Variants in UBR4 observed in about 807,000 individuals in gnomAD.
UBR4 encodes E3 ubiquitin-protein ligase UBR4.
A neutral mutation model predicts 575.6 loss-of-function variants in UBR4; 124 were observed. That is an observed-to-expected ratio of 0.22 (90% CI 0.19 to 0.25). The LOEUF (loss-of-function observed/expected upper bound fraction) is 0.25. UBR4 is among the 10% of genes least tolerant of loss of function. The pLI, the probability that UBR4 is intolerant of heterozygous loss-of-function variation, is 1.00. For synonymous variants in UBR4, 2,455 were observed against 2,473.7 expected, an observed-to-expected ratio of 0.99 and a Z score of 0.22; for missense variants, 4,818 against 6,478.8, an observed-to-expected ratio of 0.74 and a Z score of 8.80.
chr1:19,143,255 GAAGGAAGAAAGAAAGAAAGAAAGAAAGA>G (rs1175054886), intron 55 of UBR4, among the ~76,000 whole-genome samples: 2,728 of 102,140 alleles, frequency 0.027, 104 homozygotes, highest in East Asian at 0.19. Flanking sequence ...AGGAAGGAAG[GAAGGAAGAAAGAAAGAAAGAAAGAAAGA>G]AAGAAAGAAA....
intron 43 of UBR4, 147 bp from the exon 44 acceptor site, chr1:19,155,222 T>C: frequency 8.1e-7 from 1 of 1,227,158 alleles, no homozygotes; most frequent in Non-Finnish European, 1.1e-6. Flanking sequence ...ACAAAGACCC[T>C]GAGAAAAATG....
chr1:19,164,254 A>G lies in UBR4; in HGVS notation c.4699T>C (p.Cys1567Arg). The G allele has an allele frequency of 6.2e-7, 1 of 1,610,792 alleles. No individual in the cohort carries two copies. The highest frequency in any genetic ancestry group is 8.5e-7 in the Non-Finnish European group (1 of 1,177,560). ...ACAGATACAACTTCATCATCTTACC[A>G]TCTGCTCAGCCAATCCACAGCAGCA... ...HNAAVDWLSR[C>R]KKYLSQKNVV... is the part of the protein sequence containing the mutation. The change falls in exon 33 of 106, where the codon TGC becomes CGC. Residue 1567 changes from cysteine (C) to arginine (R), a missense_variant and splice_region_variant. Around this residue, in one of 29 missense-constraint regions of UBR4, gnomAD observed 1,172 missense variants for 1,259.7 expected, o/e 0.93. Transcript: ENST00000375254.
At chr1:19,131,243 TAAAAAAAAA>T (rs869155620) in intron 60 of UBR4, among the ~76,000 whole-genome samples, 4 of 102,978 alleles carry the variant, frequency 3.9e-5, no homozygotes, top group South Asian at 3.5e-4. Context: ...TCTTGAAACT[TAAAAAAAAA>T]AAAAAAAAAA....
rs1457589669 is a variant in UBR4, at chr1:19,105,131, G to C, written c.12562C>G (p.Gln4188Glu). Reference protein sequence around the residue: ...ECAAEYLALYQKLITSAHWKV... With the variant: ...ECAAEYLALYEKLITSAHWKV... The stretch of plus-strand genomic sequence containing the variant: ...CAGTGCGCAGAAGTGATGAGCTTCT[G>C]GTAGAGAGCCAGGTACTCAGCTGCA... Residue 4188 changes from glutamine (Q) to glutamate (E), a missense_variant, in exon 85 of 106, where the codon CAG becomes GAG. Gln to Glu is a conservative substitution (Grantham distance 29). Transcript: ENST00000375254. 3 of 1,613,964 alleles carry C rather than the reference G, an allele frequency of 1.9e-6. No homozygotes were observed. Among genetic ancestry groups the C allele is most frequent in the African/African-American group, 2.7e-5 (2 of 74,880 alleles).
At chr1:19,187,127 A>T (rs764679643) in intron 13 of UBR4, 37 bp downstream of exon 13, 2 of 1,532,720 alleles carry the variant, frequency 1.3e-6, no homozygotes, top group Admixed American at 3.9e-5. Flanking sequence ...AAAATGAGAC[A>T]TTCTTCTAAA....
At chr1:19,154,871 T>A in intron 44 of UBR4, 47 bp downstream of exon 44, 3 of 1,609,400 alleles carry the variant, frequency 1.9e-6, no homozygotes, top group Non-Finnish European at 2.6e-6. Flanking sequence ...AGATCCCACA[T>A]TGAATGTGGA....
At chr1:19,192,446 AG>A in intron 10 of UBR4, 34 bp downstream of exon 10, 1 of 1,614,208 alleles carries the variant, frequency 6.2e-7, no homozygotes, top group Non-Finnish European at 8.5e-7. Context: ...AGGACAAGAT[AG>A]GAAGTATGCA....
rs1297401331 is a variant in UBR4 at position 19,173,297 on chromosome 1, T to G, written c.3175A>C (p.Ile1059Leu). The G allele has an allele frequency of 3.1e-6, 5 of 1,614,200 alleles. No individual in the cohort carries two copies. The South Asian group carries it at 4.4e-5, about 14-fold the overall frequency. The change falls in exon 24 of 106, where the codon ATC becomes CTC. Residue 1059 changes from isoleucine (I) to leucine (L), a missense_variant. Transcript: ENST00000375254. ...SYVNWIKDHLIKQGMKAEHAS... is the reference protein window; with the variant it reads ...SYVNWIKDHLLKQGMKAEHAS... ...TGCTCAGCCTTCATTCCCTGTTTGA[T>G]AAGGTGATCCTATTTGGACAGCAAG...
At position 19,210,216 on chromosome 1, in the gene UBR4, TGCC is replaced by T. The variant is rs988094549; in HGVS notation, c.30_32del (p.Ala13del). The stretch of plus-strand genomic sequence containing the variant: ...CCGGGGTCCCCGGCGCCGGAGCCGC[TGCC>T]GCCGCCTCTTCGCCGCCGCTCGTCG... On this transcript the variant is annotated inframe_deletion, in exon 1 of 106. Transcript: ENST00000375254. 1 of 1,441,098 alleles carries T rather than the reference TGCC, an allele frequency of 6.9e-7. No homozygotes were observed. Among genetic ancestry groups the T allele is most frequent in the African/African-American group, 1.5e-5 (1 of 66,968 alleles). 89.3% of individuals were successfully genotyped at this position (1,441,098 alleles called of 1,614,324 possible).
rs779231802 is a variant in UBR4, at chr1:19,114,004, G to A, written c.11269C>T (p.Arg3757Trp). ...CAGAGCAGGTTCTCCAGCTGTGGCC[G>A]GTGTCCCATCAGCTGATGATACACT... Reference protein sequence around the residue: ...DRVYHQLMGHRPQLENLLCKV... With the variant: ...DRVYHQLMGHWPQLENLLCKV... The change falls in exon 76 of 106, where the codon CGG (arginine) becomes TGG (tryptophan). Residue 3757 changes from arginine to tryptophan, a missense_variant. Physicochemically the swap from Arg to Trp is moderately radical, Grantham distance 101 (BLOSUM62 -3). Transcript: ENST00000375254. The A allele has an allele frequency of 1.3e-5, 21 of 1,614,050 alleles. No homozygotes were observed. The highest frequency in any genetic ancestry group is 1.2e-4 in the African/African-American group (9 of 74,898).
chr1:19,162,649 T>C (rs1328038277), intron 34 of UBR4, 38 bp from the exon 35 acceptor site: 2 of 1,569,824 alleles, frequency 1.3e-6, no homozygotes, highest in East Asian at 2.3e-5. Flanking sequence ...AGATTCTCCA[T>C]GTTTCATTAT....
In UBR4 at chr1:19,139,941, G is replaced by C. The variant is rs978651924; in HGVS notation, c.8594-721C>G. 1.3e-5 allele frequency among the ~76,000 whole-genome samples: 2 copies of C among 152,108 alleles called. No homozygotes were observed. Among genetic ancestry groups the C allele is most frequent in the Non-Finnish European group, 2.9e-5 (2 of 68,026 alleles). On this transcript the variant is annotated intron_variant, in intron 58 of 105. Coordinates refer to ENST00000375254, the MANE Select transcript of UBR4 (RefSeq NM_020765.3). The surrounding 1 kb of genome is among the most constrained non-coding windows in gnomAD (Gnocchi z 4.2). ...GGGGAGGAAAGCCAAGACAGCCACA[G>C]AGCACAGCGGGAACACGACTGGCAC...
At chr1:19,172,504 G>T (rs374520952) in intron 25 of UBR4, among the ~76,000 whole-genome samples, 1 of 152,106 alleles carries the variant, frequency 6.6e-6, no homozygotes, top group Non-Finnish European at 1.5e-5. Context: ...GCGACAGAGC[G>T]AGATGCCATC....
intron 82 of UBR4, 33 bp downstream of exon 82, chr1:19,106,804 G>A: frequency 6.2e-7 from 1 of 1,607,654 alleles, no homozygotes; most frequent in African/African-American, 1.3e-5. Context: ...AGCGCAGGCA[G>A]GACTTCCCGG....
At chr1:19,081,800 G>GC (rs67232976) in intron 102 of UBR4, 271,483 of 706,122 alleles carry the variant, frequency 0.38, 53,154 homozygotes, top group Admixed American at 0.46. Flanking sequence ...TTCTTCCCTG[G>GC]CCCCATGTCT....
rs74520269 is a variant in UBR4 at position 19,139,460 on chromosome 1, G to A, written c.8594-240C>T. Among the ~76,000 whole-genome samples, 839 of 152,236 alleles carry A rather than the reference G, an allele frequency of 5.5e-3. 4 individuals carry two copies. Among genetic ancestry groups the A allele is most frequent in the Non-Finnish European group, 8.9e-3 (607 of 68,012 alleles). On this transcript the variant is annotated intron_variant, in intron 58 of 105. Transcript: ENST00000375254. The surrounding 1 kb of genome is among the most constrained non-coding windows in gnomAD (Gnocchi z 4.2). The stretch of plus-strand genomic sequence containing the variant: ...CAAACAGTACTTAGACAGGAGTGAA[G>A]AAAACCCAGTTCACTGGGTATTTCC...
At chr1:19,083,859 A>AC (rs111933365) in intron 102 of UBR4, among the ~76,000 whole-genome samples, 1,652 of 152,278 alleles carry the variant, frequency 0.011, 27 homozygotes, top group East Asian at 0.067. Flanking sequence ...TACCAACCTA[A>AC]CTGTCCCATA....
intron 105 of UBR4, 187 bp from the exon 106 acceptor site, chr1:19,075,083 C>A (rs2075789020): frequency 4.7e-6 from 3 of 633,254 alleles, no homozygotes; most frequent in South Asian, 3.7e-5. Context: ...CAGGAGGAGT[C>A]CTGTTCCAGA....
chr1:19,205,778 T>C (rs965949008), intron 1 of UBR4, among the ~76,000 whole-genome samples: 4 of 152,196 alleles, frequency 2.6e-5, no homozygotes, highest in Non-Finnish European at 4.4e-5. Flanking sequence ...AATGGGAATG[T>C]TGTGACAGTC....
Sources: allele counts gnomAD v4.1 joint callset (sites outside exome capture counted in the v4.1 genomes callset), GRCh38; gene constraint gnomAD v4.1.1; regional missense constraint gnomAD v4.1.1; non-coding constraint Gnocchi (gnomAD v3.1); transcripts MANE v1.5; gene names NCBI Gene and HGNC (gene_info 2026-07-23, HGNC 2026-07-21).